DHRS3: variants seen among roughly 807,000 people sequenced by gnomAD.
DHRS3 encodes the protein dehydrogenase/reductase 3.
DHRS3 carries 14 observed loss-of-function variants against 27.2 expected under a neutral mutation model. The observed-to-expected ratio is 0.52, with a 90% confidence interval of 0.34 to 0.81. DHRS3 has a LOEUF of 0.81. DHRS3 is among the 30% of genes least tolerant of loss of function. The probability of loss-of-function intolerance (pLI) is 0.01; values close to 1 mark genes in which losing one functional copy is unlikely to be tolerated. For synonymous variants in DHRS3, 165 were observed against 175.9 expected (o/e 0.94, Z 0.49); for missense variants, 322 against 406.2 (o/e 0.79, Z 1.78).
chr1:12,568,534 G>T, intron 5 of DHRS3, 110 bp from the exon 6 acceptor site: 1 of 1,023,298 alleles, frequency 9.8e-7, no homozygotes, highest in Non-Finnish European at 1.5e-6. Flanking sequence ...GTTCCTGAAA[G>T]TGCTCCCCAC....
chr1:12,602,468 T>C (rs973383458), intron 1 of DHRS3, among the ~76,000 whole-genome samples: 1 of 150,424 alleles, frequency 6.6e-6, no homozygotes, highest in Non-Finnish European at 1.5e-5. Context: ...GGGGCACAAC[T>C]CTCTGCTTCC....
At position 12,591,754 on chromosome 1, in the gene DHRS3, G is replaced by A. The variant is rs1257712813; in HGVS notation, c.196-11088C>T. The stretch of plus-strand genomic sequence containing the variant: ...GCTGGGACCTCAACTTATGCAATCT[G>A]TGCCCTTGGCCACTGACTTTACCTG... On this transcript the variant is annotated intron_variant, in intron 1 of 5. Coordinates refer to ENST00000616661, the MANE Select transcript of DHRS3 (RefSeq NM_004753.7). This position sits in a 1 kb window ranked among gnomAD's most constrained non-coding sequence, Gnocchi z 4.1. 6.6e-6 allele frequency among the ~76,000 whole-genome samples: 1 copy of A among 152,216 alleles called. No individual in the cohort carries two copies. Among genetic ancestry groups the A allele is most frequent in the Non-Finnish European group, 1.5e-5 (1 of 68,044 alleles).
intron 1 of DHRS3, among the ~76,000 whole-genome samples, chr1:12,590,248 C>T (rs1646734165): frequency 6.6e-6 from 1 of 152,122 alleles, no homozygotes; most frequent in Admixed American, 6.6e-5. Flanking sequence ...AGATATCATT[C>T]CAGGCTTCTC....
intron 1 of DHRS3, among the ~76,000 whole-genome samples, chr1:12,612,933 G>A (rs555804363): frequency 6.6e-6 from 1 of 152,160 alleles, no homozygotes; most frequent in East Asian, 1.9e-4. Flanking sequence ...TGGCACGCAC[G>A]CCTGTAATCC....
intron 1 of DHRS3, among the ~76,000 whole-genome samples, chr1:12,584,200 G>T (rs1040892540): frequency 9.9e-5 from 15 of 152,098 alleles, no homozygotes; most frequent in African/African-American, 3.6e-4. Context: ...AAAGCTGGGG[G>T]CTTGCAGGAA....
Position 12,578,723 on chromosome 1 carries a change from T to G in DHRS3, c.693A>C (p.Arg231Ser), listed in dbSNP as rs1413170405. 1.9e-6 allele frequency: 3 copies of G among 1,611,410 alleles called. No homozygotes were observed. Among genetic ancestry groups the G allele is most frequent in the African/African-American group, 2.7e-5 (2 of 74,812 alleles). ...TGGGTCCCCTGCTCACTGACCTGAC[T>G]CTCATGCCCTGGAACATCTCGGTGC... ...HTSTEMFQGM[R>S]VRFPNLFPPL... Residue 231 changes from arginine to serine, a missense_variant, in exon 4 of 6, where the codon AGA (arginine) becomes AGC (serine). Arg to Ser is a moderately radical substitution (Grantham distance 110). Coordinates refer to ENST00000616661, the MANE Select transcript of DHRS3 (RefSeq NM_004753.7). This position sits in a 1 kb window ranked among gnomAD's most constrained non-coding sequence, Gnocchi z 4.5.
At chr1:12,616,833 G>GT in intron 1 of DHRS3, 20 of 815,814 alleles carry the variant, frequency 2.5e-5, no homozygotes, top group Non-Finnish European at 3.3e-5. Flanking sequence ...GAAGGCGGGG[G>GT]AGGGGGGCAC....
intron 1 of DHRS3, among the ~76,000 whole-genome samples, chr1:12,611,288 T>C (rs1194049363): frequency 3.3e-5 from 5 of 152,188 alleles, no homozygotes; most frequent in Admixed American, 2.6e-4. Flanking sequence ...TATTGCTAGA[T>C]GGAGGAGGCA....
chr1:12,572,134 T>C (rs1352384343), intron 5 of DHRS3, among the ~76,000 whole-genome samples: 7 of 152,236 alleles, frequency 4.6e-5, no homozygotes, highest in African/African-American at 1.7e-4. Flanking sequence ...ATAAATATTA[T>C]AAACAAATGT....
intron 1 of DHRS3, 66 bp downstream of exon 1, chr1:12,617,088 C>A: frequency 6.7e-7 from 1 of 1,500,256 alleles, no homozygotes; most frequent in Non-Finnish European, 8.9e-7. Flanking sequence ...GATCCCGCAG[C>A]GGCAGCAGGT....
chr1:12,592,885 G>A lies in DHRS3; in HGVS notation c.196-12219C>T, dbSNP rs542100816. 4.6e-5 allele frequency among the ~76,000 whole-genome samples: 7 copies of A among 152,278 alleles called. No individual in the cohort carries two copies. The highest frequency in any genetic ancestry group is 1.7e-4 in the African/African-American group (7 of 41,560). ...CCCACATTAAGTGTTTTCTCTCACT[G>A]TATGCCCACTCCACCACGCACCCTG... On this transcript the variant is annotated intron_variant, in intron 1 of 5. Transcript: ENST00000616661. The surrounding 1 kb of genome is among the most constrained non-coding windows in gnomAD (Gnocchi z 4.2).
intron 4 of DHRS3, among the ~76,000 whole-genome samples, chr1:12,575,761 C>T (rs1232512611): frequency 2.6e-5 from 4 of 152,014 alleles, no homozygotes; most frequent in Non-Finnish European, 5.9e-5. Context: ...GGCTGGAGTG[C>T]AATTGTGCAA....
intron 1 of DHRS3, chr1:12,616,461 C>A: frequency 7.9e-6 from 6 of 762,454 alleles, no homozygotes; most frequent in Non-Finnish European, 9.6e-6. Flanking sequence ...TGCAGCACCA[C>A]CTTCCAGCTA....
intron 1 of DHRS3, among the ~76,000 whole-genome samples, chr1:12,585,315 G>T (rs1646687157): frequency 6.6e-6 from 1 of 151,614 alleles, no homozygotes; most frequent in Non-Finnish European, 1.5e-5. Context: ...GTGTCTGTGT[G>T]TCTCTATGTG....
chr1:12,589,417 C>T (rs1278481378), intron 1 of DHRS3, among the ~76,000 whole-genome samples: 13 of 137,936 alleles, frequency 9.4e-5, no homozygotes, highest in Admixed American at 7.5e-4. Context: ...GAGATGGAGG[C>T]TTGCTCTGTG....
chr1:12,599,329 C>T (rs1646820256), intron 1 of DHRS3, among the ~76,000 whole-genome samples: 1 of 152,234 alleles, frequency 6.6e-6, no homozygotes, highest in East Asian at 1.9e-4. Flanking sequence ...AAGCCAGGCC[C>T]TTGGCCCATA....
At position 12,580,544 on chromosome 1, in the gene DHRS3, C is replaced by T. The variant is rs750869455; in HGVS notation, c.318G>A (p.Thr106=). The change falls in exon 2 of 6, where the codon ACG becomes ACA. Residue 106 remains threonine (T), a synonymous_variant. Transcript: ENST00000616661. ...AGACCTTCTCCCGGACGGCCTTGGC[C>T]GTCTGGTACACCTCCTCCCGGTTGC... ...DVGNREEVYQ[T]AKAVREKVGD... 13 of 1,614,186 alleles carry T rather than the reference C, an allele frequency of 8.1e-6. No homozygotes were observed. The highest frequency in any genetic ancestry group is 2.2e-5 in the East Asian group (1 of 44,886).
Position 12,592,026 on chromosome 1 carries a change from G to A in DHRS3, c.196-11360C>T, listed in dbSNP as rs1039501309. On this transcript the variant is annotated intron_variant, in intron 1 of 5. Coordinates refer to ENST00000616661, the MANE Select transcript of DHRS3 (RefSeq NM_004753.7). The surrounding 1 kb of genome is among the most constrained non-coding windows in gnomAD (Gnocchi z 4.2). The stretch of plus-strand genomic sequence containing the variant: ...GGGAGGACAGGTGAGGACAGAAGCT[G>A]TTCTGAGCATGGGTCAGCACAGTGC... Among the ~76,000 whole-genome samples the A allele has an allele frequency of 6.6e-6, 1 of 152,190 alleles. No individual in the cohort carries two copies. Among genetic ancestry groups the A allele is most frequent in the African/African-American group, 2.4e-5 (1 of 41,440 alleles).
intron 1 of DHRS3, among the ~76,000 whole-genome samples, chr1:12,605,950 C>T (rs1013270099): frequency 3.3e-5 from 5 of 151,878 alleles, no homozygotes; most frequent in Non-Finnish European, 7.4e-5. Flanking sequence ...ATCATCCTGG[C>T]CAACATGGTG....
Sources: gnomAD v4.1 joint callset for allele counts (sites outside exome capture counted in the v4.1 genomes callset) on GRCh38, gnomAD v4.1.1 for gene constraint, Gnocchi (gnomAD v3.1) non-coding constraint, MANE v1.5 for transcripts, NCBI Gene and HGNC (gene_info 2026-07-23, HGNC 2026-07-21) for gene names.